The following PTPRD variants were observed in gnomAD, a reference collection of about 807,000 sequenced individuals.
PTPRD encodes the protein receptor-type tyrosine-protein phosphatase delta.
Under a neutral mutation model 214.5 loss-of-function variants are expected in PTPRD, and 34 were observed. The observed-to-expected ratio is 0.16, with a 90% CI of 0.12 to 0.21. The LOEUF (loss-of-function observed/expected upper bound fraction) is 0.21. Among genes scored for constraint, PTPRD ranks in the 10% least tolerant of loss-of-function variants. The pLI, the probability that PTPRD is intolerant of heterozygous loss-of-function variation, is 1.00. For synonymous variants in PTPRD, 1,128 were observed against 845.7 expected (o/e 1.33, Z -5.79); for missense variants, 2,545 against 2,398.7 (o/e 1.06, Z -1.27).
chr9:8,668,885 G>A (rs2097220813), intron 12 of PTPRD, among the ~76,000 whole-genome samples: 1 of 152,110 alleles, frequency 6.6e-6, no homozygotes, highest in South Asian at 2.1e-4. Context: ...GAAGCTTGTG[G>A]GAACAATTAC....
chr9:9,133,101 G>A (rs1399896815), intron 10 of PTPRD, among the ~76,000 whole-genome samples: 5 of 152,026 alleles, frequency 3.3e-5, no homozygotes, highest in Admixed American at 6.6e-5. Flanking sequence ...TTTTACAGAT[G>A]TAAAGGAATT....
chr9:8,928,580 G>GTACCATACTGTT (rs58910166), intron 11 of PTPRD, among the ~76,000 whole-genome samples: 5 of 149,428 alleles, frequency 3.3e-5, no homozygotes, highest in African/African-American at 4.9e-5. Context: ...TTTGGTACCA[G>GTACCATACTGTT]TTGGTTACTC....
At chr9:8,578,294 G>C (rs2092683848) in intron 14 of PTPRD, among the ~76,000 whole-genome samples, 1 of 152,086 alleles carries the variant, frequency 6.6e-6, no homozygotes, top group Non-Finnish European at 1.5e-5. Flanking sequence ...TAAGAGTCAA[G>C]GGCCATTTAC....
chr9:9,383,911 G>C (rs956312389), intron 9 of PTPRD, among the ~76,000 whole-genome samples: 3 of 151,916 alleles, frequency 2.0e-5, no homozygotes, highest in Admixed American at 1.3e-4. Flanking sequence ...GTGTGTTTTT[G>C]CAACAGTAAT....
intron 11 of PTPRD, among the ~76,000 whole-genome samples, chr9:8,934,498 T>TATAA (rs2098981824): frequency 2.3e-4 from 7 of 30,946 alleles, no homozygotes; most frequent in Non-Finnish European, 4.0e-4. Context: ...TATATAAATA[T>TATAA]ATATATAAAT....
At chr9:8,987,634 G>A (rs1290804735) in intron 11 of PTPRD, among the ~76,000 whole-genome samples, 4 of 152,094 alleles carry the variant, frequency 2.6e-5, no homozygotes, top group Non-Finnish European at 5.9e-5. Context: ...GTGTGCTTAT[G>A]TGGACTAGTG....
chr9:9,454,063 T>C (rs1444114607), intron 8 of PTPRD, among the ~76,000 whole-genome samples: 1 of 151,744 alleles, frequency 6.6e-6, no homozygotes, highest in Non-Finnish European at 1.5e-5. Flanking sequence ...TGAAAGAATT[T>C]CACGACAGAT....
chr9:8,523,732 A>G (rs956140963), intron 18 of PTPRD, among the ~76,000 whole-genome samples: 1 of 152,196 alleles, frequency 6.6e-6, no homozygotes, highest in African/African-American at 2.4e-5. Flanking sequence ...AATAGCTAGC[A>G]TCATTTTGAA....
chr9:9,776,983 A>G (rs2098803274), intron 5 of PTPRD, among the ~76,000 whole-genome samples: 1 of 152,226 alleles, frequency 6.6e-6, no homozygotes, highest in Admixed American at 6.5e-5. Flanking sequence ...TTTACTAAAA[A>G]TACCTTTTAA....
intron 8 of PTPRD, among the ~76,000 whole-genome samples, chr9:9,501,222 C>T (rs2096404416): frequency 1.3e-5 from 2 of 151,614 alleles, no homozygotes; most frequent in African/African-American, 2.4e-5. Context: ...TCAAATTGGA[C>T]AAATAAGAGT....
intron 3 of PTPRD, among the ~76,000 whole-genome samples, chr9:10,292,487 C>T (rs981836383): frequency 6.6e-6 from 1 of 151,992 alleles, no homozygotes; most frequent in Non-Finnish European, 1.5e-5. Flanking sequence ...CTACAAAGAT[C>T]ATATGATCTG....
intron 5 of PTPRD, among the ~76,000 whole-genome samples, chr9:9,858,668 G>A (rs968960791): frequency 6.6e-6 from 1 of 151,882 alleles, no homozygotes; most frequent in African/African-American, 2.4e-5. Context: ...TGGCTTACAG[G>A]GTTGTATATA....
At chr9:8,359,953 C>T (rs767815394) in intron 39 of PTPRD, among the ~76,000 whole-genome samples, 46 of 152,180 alleles carry the variant, frequency 3.0e-4, no homozygotes, top group Non-Finnish European at 5.1e-4. Flanking sequence ...AAGCTCCTCC[C>T]ATTGCTTACT....
intron 11 of PTPRD, among the ~76,000 whole-genome samples, chr9:8,943,522 G>A (rs2099045943): frequency 6.6e-6 from 1 of 150,912 alleles, no homozygotes; most frequent in African/African-American, 2.4e-5. Context: ...CATACACTGT[G>A]GAAAGGACAG....
chr9:8,566,106 G>GTGTGTA (rs1456840712), intron 14 of PTPRD, among the ~76,000 whole-genome samples: 1 of 102,416 alleles, frequency 9.8e-6, no homozygotes, highest in African/African-American at 2.9e-5. Context: ...AAATATGTGT[G>GTGTGTA]TGTGTGTGTG....
At chr9:9,620,078 A>G (rs1020973764) in intron 7 of PTPRD, among the ~76,000 whole-genome samples, 1 of 152,008 alleles carries the variant, frequency 6.6e-6, no homozygotes, top group Non-Finnish European at 1.5e-5. Flanking sequence ...TTGGCATTGA[A>G]GTCCTTCTGA....
intron 9 of PTPRD, among the ~76,000 whole-genome samples, chr9:9,364,500 T>C (rs973699637): frequency 6.6e-6 from 1 of 151,424 alleles, no homozygotes; most frequent in Non-Finnish European, 1.5e-5. Flanking sequence ...GAGCAAATTG[T>C]TGAATGGTAT....
At chr9:9,195,919 A>G (rs544193875) in intron 9 of PTPRD, among the ~76,000 whole-genome samples, 2 of 152,152 alleles carry the variant, frequency 1.3e-5, no homozygotes, top group East Asian at 1.9e-4. Context: ...AAATGCTGAT[A>G]TTTAGAAAAT....
At chr9:9,271,443 T>C (rs4271024) in intron 9 of PTPRD, among the ~76,000 whole-genome samples, 1 of 151,352 alleles carries the variant, frequency 6.6e-6, no homozygotes, top group Admixed American at 6.6e-5. Flanking sequence ...TTATGTTGCA[T>C]CTGAATAGAA....
Sources: gnomAD v4.1 joint callset for allele counts (sites outside exome capture counted in the v4.1 genomes callset) on GRCh38, gnomAD v4.1.1 for gene constraint, MANE v1.5 for transcripts, NCBI Gene and HGNC (gene_info 2026-07-23, HGNC 2026-07-21) for gene names.